Variants in BCL2L13 observed in about 807,000 individuals in gnomAD.
BCL2L13 encodes the protein bcl-2-like protein 13.
Under a neutral mutation model 25.8 loss-of-function variants are expected in BCL2L13, and 13 were observed. The observed-to-expected ratio is 0.50, with a 90% CI of 0.33 to 0.80. The LOEUF (loss-of-function observed/expected upper bound fraction) is 0.80, where lower values mean the gene tolerates loss of function less well. Among genes scored for constraint, BCL2L13 ranks in the 30% least tolerant of loss-of-function variants. The pLI is 0.02. For missense variants in BCL2L13, 504 were observed against 574.9 expected, an observed-to-expected ratio of 0.88 and a Z score of 1.26; for synonymous variants, 244 against 230.3, an observed-to-expected ratio of 1.06 and a Z score of -0.54.
chr22:17,709,357 G>T (rs1371298776), intron 6 of BCL2L13, among the ~76,000 whole-genome samples: 2 of 152,212 alleles, frequency 1.3e-5, no homozygotes, highest in African/African-American at 4.8e-5. Flanking sequence ...CACTTTGGGA[G>T]GCCAAGGTGG....
chr22:17,639,041 C>T (rs563289768), intron 1 of BCL2L13, among the ~76,000 whole-genome samples, 155 bp downstream of exon 1: 56 of 152,294 alleles, frequency 3.7e-4, no homozygotes, highest in Non-Finnish European at 5.7e-4. Flanking sequence ...GGCGCTCCTT[C>T]GCCCGAAGGT....
At chr22:17,649,953 C>T (rs1237627350) in intron 1 of BCL2L13, among the ~76,000 whole-genome samples, 1 of 144,690 alleles carries the variant, frequency 6.9e-6, no homozygotes, top group African/African-American at 2.6e-5. Context: ...CCACTGCAGC[C>T]TCCGCCTCCC....
At chr22:17,648,974 G>A (rs565556315) in intron 1 of BCL2L13, among the ~76,000 whole-genome samples, 8 of 152,080 alleles carry the variant, frequency 5.3e-5, no homozygotes, top group African/African-American at 9.6e-5. Flanking sequence ...TTACCCTGTC[G>A]CTCAGGCTGG....
intron 4 of BCL2L13, among the ~76,000 whole-genome samples, chr22:17,690,968 G>C (rs2060087577): frequency 6.6e-6 from 1 of 151,964 alleles, no homozygotes; most frequent in Non-Finnish European, 1.5e-5. Flanking sequence ...AGAAGTGAGG[G>C]ATAGTAAGTG....
intron 3 of BCL2L13, among the ~76,000 whole-genome samples, chr22:17,687,661 C>CAT (rs2059983646): frequency 6.6e-6 from 1 of 152,070 alleles, no homozygotes; most frequent in African/African-American, 2.4e-5. Context: ...GGATTACAGG[C>CAT]GCCCGCCACC....
At chr22:17,678,779 G>A (rs1195561504) in intron 2 of BCL2L13, among the ~76,000 whole-genome samples, 2 of 152,122 alleles carry the variant, frequency 1.3e-5, no homozygotes, top group East Asian at 1.9e-4. Context: ...TTTGTGCTGC[G>A]TAGATGCTTC....
intron 3 of BCL2L13, chr22:17,684,615 G>A (rs1334268401): frequency 4.4e-6 from 2 of 453,878 alleles, no homozygotes; most frequent in African/African-American, 4.0e-5. Flanking sequence ...CCAGGCTGGA[G>A]TGCAGTGGCA....
At chr22:17,653,494 GA>G (rs1384056747) in intron 1 of BCL2L13, among the ~76,000 whole-genome samples, 5 of 125,498 alleles carry the variant, frequency 4.0e-5, no homozygotes, top group African/African-American at 6.4e-5. Context: ...CCTCCAGTAT[GA>G]TTTTTTTTTT....
intron 1 of BCL2L13, among the ~76,000 whole-genome samples, chr22:17,632,631 A>G (rs1311056936): frequency 3.9e-5 from 6 of 152,154 alleles, no homozygotes; most frequent in Non-Finnish European, 7.4e-5. Flanking sequence ...TAGAAACAGC[A>G]GTCTAATTCT....
At chr22:17,704,592 A>G (rs1001964918) in intron 6 of BCL2L13, among the ~76,000 whole-genome samples, 26 of 151,972 alleles carry the variant, frequency 1.7e-4, no homozygotes, top group African/African-American at 5.3e-4. Flanking sequence ...CCTGGCCAAC[A>G]TGGTGAGACC....
At chr22:17,678,871 C>T (rs1026329549) in intron 2 of BCL2L13, among the ~76,000 whole-genome samples, 1 of 152,076 alleles carries the variant, frequency 6.6e-6, no homozygotes, top group Non-Finnish European at 1.5e-5. Context: ...ACTTAGTGGC[C>T]CAGTTCATGC....
chr22:17,727,500 C>T lies in BCL2L13; in HGVS notation c.1424C>T (p.Ala475Val). 2 of 1,614,206 alleles carry T rather than the reference C, an allele frequency of 1.2e-6. No individual in the cohort carries two copies. Among genetic ancestry groups the T allele is most frequent in the East Asian group, 2.2e-5 (1 of 44,876 alleles). Reference protein sequence around the residue: ...GAAAVAILAVAIGVALALRKK With the variant: ...GAAAVAILAVVIGVALALRKK ...GCTGCTGTTGCCATCCTGGCAGTGG[C>T]CATCGGGGTAGCCCTGGCTCTGAGA... is the stretch of plus-strand genomic sequence containing the variant. The change falls in exon 7 of 7, where the codon GCC (alanine) becomes GTC (valine). Residue 475 changes from alanine (A) to valine (V), a missense_variant. Physicochemically the swap from Ala to Val is moderately conservative, Grantham distance 64 (BLOSUM62 0). Transcript: ENST00000317582.
chr22:17,700,129 T>C (rs761455196), intron 5 of BCL2L13, among the ~76,000 whole-genome samples: 1 of 152,046 alleles, frequency 6.6e-6, no homozygotes, highest in Non-Finnish European at 1.5e-5. Flanking sequence ...GCTCTGTGGT[T>C]ACTGCGTTTC....
chr22:17,687,170 G>T (rs1324059726), intron 3 of BCL2L13, among the ~76,000 whole-genome samples: 1 of 152,090 alleles, frequency 6.6e-6, no homozygotes, highest in East Asian at 1.9e-4. Context: ...CTAAATCTTG[G>T]GAGTGGGTGC....
intron 6 of BCL2L13, among the ~76,000 whole-genome samples, chr22:17,717,701 T>C (rs1028657671): frequency 6.6e-6 from 1 of 152,164 alleles, no homozygotes; most frequent in African/African-American, 2.4e-5. Flanking sequence ...CCCAATATGA[T>C]TCCCAGATTT....
At chr22:17,723,275 T>C (rs984986755) in intron 6 of BCL2L13, among the ~76,000 whole-genome samples, 28 of 152,272 alleles carry the variant, frequency 1.8e-4, no homozygotes, top group African/African-American at 6.7e-4. Flanking sequence ...CCTCAAAAGC[T>C]GGGAGGCCTA....
intron 4 of BCL2L13, 138 bp from the exon 5 acceptor site, chr22:17,696,003 T>A (rs2060254069): frequency 3.3e-6 from 2 of 598,520 alleles, no homozygotes; most frequent in Non-Finnish European, 6.0e-6. Context: ...AAAAGCCACG[T>A]CTTGTACAAA....
At chr22:17,717,695 A>G (rs144268930) in intron 6 of BCL2L13, among the ~76,000 whole-genome samples, 32 of 152,344 alleles carry the variant, frequency 2.1e-4, no homozygotes, top group African/African-American at 7.0e-4. Flanking sequence ...GAGAAACCCA[A>G]TATGATTCCC....
intron 3 of BCL2L13, among the ~76,000 whole-genome samples, chr22:17,687,007 C>T (rs1018240277): frequency 9.9e-5 from 15 of 152,078 alleles, no homozygotes; most frequent in Admixed American, 2.0e-4. Flanking sequence ...CTCCAGCTTG[C>T]TCAAACAACA....
Sources: allele counts gnomAD v4.1 joint callset (sites outside exome capture counted in the v4.1 genomes callset), GRCh38; gene constraint gnomAD v4.1.1; transcripts MANE v1.5; gene names NCBI Gene and HGNC (gene_info 2026-07-23, HGNC 2026-07-21).